The following PVT1 variants were observed in gnomAD, a reference collection of about 807,000 sequenced individuals.
PVT1 encodes CXCR4/PVT1 fusion.
chr8:127,870,073 G>T (rs1815335186), intron 2 of PVT1, among the ~76,000 whole-genome samples: 1 of 152,206 alleles, frequency 6.6e-6, no homozygotes, highest in Non-Finnish European at 1.5e-5. Flanking sequence ...CAAAGTGTTG[G>T]GGTTACAGGC....
At chr8:127,796,964 C>T (rs1348310034) in intron 2 of PVT1, among the ~76,000 whole-genome samples, 5 of 150,912 alleles carry the variant, frequency 3.3e-5, no homozygotes, top group Admixed American at 1.3e-4. Context: ...CTGCAACTTC[C>T]GCCTCCCAGG....
At chr8:127,961,833 C>A (rs1017361067) in intron 3 of PVT1, among the ~76,000 whole-genome samples, 1 of 152,136 alleles carries the variant, frequency 6.6e-6, no homozygotes, top group East Asian at 1.9e-4. Context: ...GCTCCAGAGG[C>A]CCCCCCTGCC....
At chr8:128,032,377 A>T (rs541345275) in intron 4 of PVT1, among the ~76,000 whole-genome samples, 4 of 152,216 alleles carry the variant, frequency 2.6e-5, no homozygotes, top group Non-Finnish European at 5.9e-5. Context: ...CCCTCAGGAC[A>T]GGAAACTTAG....
chr8:127,916,012 A>G (rs999695542), intron 3 of PVT1, among the ~76,000 whole-genome samples: 1 of 152,232 alleles, frequency 6.6e-6, no homozygotes, highest in African/African-American at 2.4e-5. Context: ...CTAGGCCAAT[A>G]GGGACTCCCC....
chr8:127,996,289 T>G (rs17198618), intron 4 of PVT1, among the ~76,000 whole-genome samples: 1 of 151,920 alleles, frequency 6.6e-6, no homozygotes, highest in Non-Finnish European at 1.5e-5. Context: ...CTGCACCACA[T>G]AGACCCTGGG....
intron 2 of PVT1, among the ~76,000 whole-genome samples, chr8:127,836,683 C>G (rs972304968): frequency 6.6e-6 from 1 of 152,180 alleles, no homozygotes; most frequent in Middle Eastern, 3.2e-3. Context: ...ACAGGCACTG[C>G]TTTAAGTGCA....
chr8:127,964,835 ATTTAT>A (rs1315351984), intron 3 of PVT1, among the ~76,000 whole-genome samples: 1 of 149,322 alleles, frequency 6.7e-6, no homozygotes, highest in Non-Finnish European at 1.5e-5. Flanking sequence ...TATTTTATTG[ATTTAT>A]TTTAAGAATG....
chr8:127,924,465 C>T (rs1168028861), intron 3 of PVT1, among the ~76,000 whole-genome samples: 1 of 150,162 alleles, frequency 6.7e-6, no homozygotes, highest in East Asian at 2.0e-4. Context: ...TCCCGAGTAG[C>T]TGAGACTACA....
intron 3 of PVT1, among the ~76,000 whole-genome samples, chr8:127,984,909 C>CTTTCT: frequency 1.1e-5 from 1 of 89,874 alleles, no homozygotes; most frequent in Non-Finnish European, 2.3e-5. Flanking sequence ...TTCTTTCTTT[C>CTTTCT]TTTCTTTCTT....
intron 4 of PVT1, among the ~76,000 whole-genome samples, chr8:128,045,072 C>A (rs1813595035): frequency 6.6e-6 from 1 of 152,214 alleles, no homozygotes; most frequent in African/African-American, 2.4e-5. Context: ...TTGTCAGATT[C>A]AGGTTTAGGA....
intron 3 of PVT1, among the ~76,000 whole-genome samples, chr8:127,929,386 C>T (rs984187681): frequency 1.3e-5 from 2 of 152,100 alleles, no homozygotes; most frequent in Non-Finnish European, 2.9e-5. Flanking sequence ...GTTGTCATCA[C>T]AGTTGACTTA....
At chr8:127,903,214 T>C (rs1049085606) in intron 3 of PVT1, among the ~76,000 whole-genome samples, 4 of 152,278 alleles carry the variant, frequency 2.6e-5, no homozygotes, top group African/African-American at 9.6e-5. Flanking sequence ...TCATGTTTGG[T>C]GGCTGCATGA....
intron 3 of PVT1, among the ~76,000 whole-genome samples, chr8:127,903,874 G>A (rs1167891915): frequency 6.6e-6 from 1 of 152,162 alleles, no homozygotes; most frequent in African/African-American, 2.4e-5. Context: ...CTCTAGCTTT[G>A]TTCTTATTTC....
intron 3 of PVT1, among the ~76,000 whole-genome samples, chr8:127,969,753 C>G (rs1179431573): frequency 6.6e-6 from 1 of 152,124 alleles, no homozygotes; most frequent in African/African-American, 2.4e-5. Context: ...TTTTCACCAC[C>G]AAGATAAAGA....
At chr8:128,081,469 C>T (rs535060812) in intron 5 of PVT1, among the ~76,000 whole-genome samples, 75 of 152,272 alleles carry the variant, frequency 4.9e-4, no homozygotes, top group Non-Finnish European at 9.0e-4. Context: ...ACTGCCATAG[C>T]TATATGTTTT....
At chr8:128,092,497 A>T (rs1238568126) in intron 5 of PVT1, among the ~76,000 whole-genome samples, 1 of 151,688 alleles carries the variant, frequency 6.6e-6, no homozygotes. Context: ...ACAGCTGTTC[A>T]CTCCCTTCTC....
At chr8:127,953,438 A>G (rs993119690) in intron 3 of PVT1, among the ~76,000 whole-genome samples, 5 of 152,202 alleles carry the variant, frequency 3.3e-5, no homozygotes, top group Non-Finnish European at 7.3e-5. Flanking sequence ...GAATACCTTT[A>G]TCAGGGGATG....
chr8:128,054,751 A>C (rs776273181), intron 4 of PVT1, among the ~76,000 whole-genome samples: 1 of 152,212 alleles, frequency 6.6e-6, no homozygotes, highest in Non-Finnish European at 1.5e-5. Flanking sequence ...TGCTGGGCCC[A>C]GGTTTTCAGG....
At chr8:128,041,030 G>A (rs574471410) in intron 4 of PVT1, among the ~76,000 whole-genome samples, 17 of 90,346 alleles carry the variant, frequency 1.9e-4, no homozygotes, top group Non-Finnish European at 3.4e-4. Flanking sequence ...TTGTGCTCGT[G>A]TGTGTTGAGT....
Sources: allele counts gnomAD v4.1 joint callset (sites outside exome capture counted in the v4.1 genomes callset), GRCh38; gene constraint gnomAD v4.1.1; transcripts MANE v1.5; gene names NCBI Gene and HGNC (gene_info 2026-07-23, HGNC 2026-07-21).